Variants in AGGF1 observed in about 807,000 individuals in gnomAD.
AGGF1 encodes angiogenic factor with G-patch and FHA domains 1.
A neutral mutation model predicts 86.5 loss-of-function variants in AGGF1; 56 were observed. That is an observed-to-expected ratio of 0.65 (90% CI 0.52 to 0.81). AGGF1 has a LOEUF of 0.81. Among genes scored for constraint, AGGF1 ranks in the 30% least tolerant of loss-of-function variants. The pLI, the probability that AGGF1 is intolerant of heterozygous loss-of-function variation, is 0.00. For missense variants in AGGF1, 816 were observed against 850.9 expected, an observed-to-expected ratio of 0.96 and a Z score of 0.51; for synonymous variants, 313 against 297.1, an observed-to-expected ratio of 1.05 and a Z score of -0.55.
intron 11 of AGGF1, 114 bp downstream of exon 11, chr5:77,055,710 C>T (rs1478237856): frequency 1.1e-5 from 8 of 732,494 alleles, no homozygotes; most frequent in South Asian, 5.7e-5. Flanking sequence ...AGTATGATTT[C>T]GTGATTTGTA....
At chr5:77,040,218 C>A (rs1189285782) in intron 5 of AGGF1, among the ~76,000 whole-genome samples, 1 of 151,746 alleles carries the variant, frequency 6.6e-6, no homozygotes. Flanking sequence ...AAGTGATTCT[C>A]CTGCCTCAGC....
Position 77,063,391 on chromosome 5 carries a change from T to C in AGGF1, c.*139T>C. 1 of 982,318 alleles carries C rather than the reference T, an allele frequency of 1.0e-6. No individual in the cohort carries two copies. Among genetic ancestry groups the C allele is most frequent in the Non-Finnish European group, 1.5e-6 (1 of 663,582 alleles). The allele number at this position is 982,318 out of a possible 1,614,324, so 60.9% of individuals were successfully genotyped here. A position where few individuals can be genotyped will look rare whatever the true frequency, so the allele number is the denominator to read the frequency against. The stretch of plus-strand genomic sequence containing the variant: ...TCCTGATTCAGAAATGTGTATGGTT[T>C]GCAGCTTTTAAAAACCATTTTTTTA... On this transcript the variant is annotated 3_prime_UTR_variant, in exon 14 of 14. Coordinates refer to ENST00000312916, the MANE Select transcript of AGGF1 (RefSeq NM_018046.5).
rs760332776 is a variant in AGGF1, at chr5:77,035,522, CTTCA to C, written c.314-16_314-13del. ...ATTATTCTAATATGATACGATTTCA[CTTCA>C]TTTTTTTGCTACAGATTATTTTTAT... On this transcript the variant is annotated splice_polypyrimidine_tract_variant and intron_variant, in intron 2 of 13. Transcript: ENST00000312916. 6.3e-7 allele frequency: 1 copy of C among 1,583,426 alleles called. No individual in the cohort carries two copies. The highest frequency in any genetic ancestry group is 8.7e-7 in the Non-Finnish European group (1 of 1,155,142).
In AGGF1 at chr5:77,032,947, C is replaced by T. The variant is rs139951260; in HGVS notation, c.211-1471C>T. Among the ~76,000 whole-genome samples the T allele has an allele frequency of 9.9e-3, 1,504 of 152,162 alleles. 10 individuals carry two copies. Among genetic ancestry groups the T allele is most frequent in the South Asian group, 0.031 (149 of 4,820 alleles). ...GGATTTAGTTATTAAATGTTAATGC[C>T]TCTTATAAGCTTTAATACACTTTAA... is the stretch of plus-strand genomic sequence containing the variant. On this transcript the variant is annotated intron_variant, in intron 1 of 13. Coordinates refer to ENST00000312916, the MANE Select transcript of AGGF1 (RefSeq NM_018046.5).
In AGGF1 at chr5:77,034,581, G is replaced by A. The variant is rs192404489; in HGVS notation, c.313+61G>A. The A allele has an allele frequency of 1.0e-4, 118 of 1,158,662 alleles. 1 individual carries two copies. Among genetic ancestry groups the A allele is most frequent in the African/African-American group, 2.7e-4 (18 of 66,268 alleles). 71.8% of individuals were successfully genotyped at this position (1,158,662 alleles called of 1,614,324 possible). Reference sequence around the variant, plus strand: ...TACATTCAAATCATGCTAATGTTGCGTTTTCTTTTAATTTAAAATAAACAA... The same window carrying A: ...TACATTCAAATCATGCTAATGTTGCATTTTCTTTTAATTTAAAATAAACAA... On this transcript the variant is annotated intron_variant, in intron 2 of 13. Transcript: ENST00000312916.
intron 8 of AGGF1, among the ~76,000 whole-genome samples, chr5:77,049,548 CTT>C (rs759329284): frequency 5.4e-4 from 71 of 130,602 alleles, no homozygotes; most frequent in East Asian, 6.6e-4. Context: ...TATATTTTTA[CTT>C]TTTTTTTTTT....
At chr5:77,054,199 A>G (rs1747423451) in intron 10 of AGGF1, 69 bp downstream of exon 10, 3 of 1,577,146 alleles carry the variant, frequency 1.9e-6, no homozygotes, top group Non-Finnish European at 2.6e-6. Context: ...TCTAAAAAAC[A>G]TCAGTCAGCT....
chr5:77,064,089 A>G lies in AGGF1; in HGVS notation c.*837A>G, dbSNP rs527665895. On this transcript the variant is annotated 3_prime_UTR_variant, in exon 14 of 14. Coordinates refer to ENST00000312916, the MANE Select transcript of AGGF1 (RefSeq NM_018046.5). Reference sequence around the variant, plus strand: ...TCAATTGCAATAAAAACATTATAACATGAAAAAGAGTGATTTTTTGAACCG... The same window carrying G: ...TCAATTGCAATAAAAACATTATAACGTGAAAAAGAGTGATTTTTTGAACCG... 6.5e-6 allele frequency: 1 copy of G among 152,792 alleles called. No individual in the cohort carries two copies. Among genetic ancestry groups the G allele is most frequent in the East Asian group, 1.9e-4 (1 of 5,192 alleles). The allele number at this position is 152,792 out of a possible 1,614,324, so 9.5% of individuals were successfully genotyped here.
At chr5:77,045,263 C>T (rs1406831329) in intron 5 of AGGF1, among the ~76,000 whole-genome samples, 2 of 152,274 alleles carry the variant, frequency 1.3e-5, no homozygotes, top group South Asian at 2.1e-4. Flanking sequence ...TTGTATAACA[C>T]GGTGACTATT....
chr5:77,054,059 A>C lies in AGGF1; in HGVS notation c.1562A>C (p.Asp521Ala). 6.2e-7 allele frequency: 1 copy of C among 1,614,184 alleles called. No individual in the cohort carries two copies. The highest frequency in any genetic ancestry group is 8.5e-7 in the Non-Finnish European group (1 of 1,180,016). ...TCCTTTCACATTCATCCTGGCAGTG[A>C]TACCTGTGATGGCTGTGAACCAGGG... ...VLSFHIHPGSDTCDGCEPGQV... is the reference protein window; with the variant it reads ...VLSFHIHPGSATCDGCEPGQV... The change falls in exon 10 of 14, where the codon GAT becomes GCT. Residue 521 changes from aspartate (D) to alanine (A), a missense_variant. Around this residue, in one of 3 missense-constraint regions of AGGF1, gnomAD observed 565 missense variants for 585.8 expected, o/e 0.96. Coordinates refer to ENST00000312916, the MANE Select transcript of AGGF1 (RefSeq NM_018046.5).
chr5:77,062,675 T>C (rs986949931), intron 13 of AGGF1, among the ~76,000 whole-genome samples: 3 of 152,184 alleles, frequency 2.0e-5, no homozygotes, highest in Non-Finnish European at 4.4e-5. Context: ...GTTATTAATG[T>C]TTAACCTGCT....
At chr5:77,049,097 G>A in intron 8 of AGGF1, 110 bp downstream of exon 8, 1 of 980,640 alleles carries the variant, frequency 1.0e-6, no homozygotes, top group South Asian at 1.4e-5. Context: ...TTAACATGCA[G>A]TGTAGTAATG....
rs767207447 is a variant in AGGF1 at position 77,059,613 on chromosome 5, A to T, written c.1717-3A>T. On this transcript the variant is annotated splice_region_variant and splice_polypyrimidine_tract_variant and intron_variant, in intron 11 of 13. Coordinates refer to ENST00000312916, the MANE Select transcript of AGGF1 (RefSeq NM_018046.5). ...CCTGAATGAATATTTTGTGTTTATTAAGAATACAGAATACGAAGATGAAAA... is the reference window on the plus strand; with the variant it reads ...CCTGAATGAATATTTTGTGTTTATTTAGAATACAGAATACGAAGATGAAAA... 2.1e-5 allele frequency: 34 copies of T among 1,601,060 alleles called. No homozygotes were observed. The Middle Eastern group carries it at 8.0e-4, about 38-fold the overall frequency.
At position 77,030,824 on chromosome 5, in the gene AGGF1, C is replaced by G. The variant is rs760052245; in HGVS notation, c.58C>G (p.Pro20Ala). The G allele has an allele frequency of 6.2e-7, 1 of 1,609,970 alleles. No individual in the cohort carries two copies. The highest frequency in any genetic ancestry group is 8.5e-7 in the Non-Finnish European group (1 of 1,179,512). Reference protein sequence around the residue: ...RSPPPPTSPEPELAQLRRKVE... With the variant: ...RSPPPPTSPEAELAQLRRKVE... ...GCCGCCGCCGCCCACCTCCCCCGAGCCTGAGCTGGCCCAGCTAAGGCGGAA... is the reference window on the plus strand; with the variant it reads ...GCCGCCGCCGCCCACCTCCCCCGAGGCTGAGCTGGCCCAGCTAAGGCGGAA... Residue 20 changes from proline to alanine, a missense_variant, in exon 1 of 14, where the codon CCT becomes GCT. This residue lies in a region of AGGF1 where 240 missense variants were observed against 234.4 expected (regional missense o/e 1.02). Transcript: ENST00000312916.
intron 5 of AGGF1, among the ~76,000 whole-genome samples, chr5:77,043,901 G>T (rs1436023900): frequency 7.0e-6 from 1 of 142,982 alleles, no homozygotes; most frequent in African/African-American, 2.6e-5. Flanking sequence ...CCTCCCAGAC[G>T]GGGTCTCGGC....
intron 6 of AGGF1, among the ~76,000 whole-genome samples, chr5:77,047,184 C>A (rs188143881): frequency 4.6e-3 from 694 of 152,072 alleles, no homozygotes; most frequent in Non-Finnish European, 7.5e-3. Context: ...ATTCAAGCAA[C>A]CTCAGATCAA....
chr5:77,037,784 A>C (rs1429082898), intron 4 of AGGF1, among the ~76,000 whole-genome samples: 1 of 152,346 alleles, frequency 6.6e-6, no homozygotes, highest in South Asian at 2.1e-4. Flanking sequence ...TCAAAAAACA[A>C]GCAAACAAAA....
chr5:77,048,665 A>T (rs1406905686), intron 7 of AGGF1, among the ~76,000 whole-genome samples: 4 of 152,202 alleles, frequency 2.6e-5, no homozygotes, highest in African/African-American at 9.6e-5. Flanking sequence ...GTTAAGCATT[A>T]TTCTATGTGC....
At chr5:77,048,863 T>C (rs1170475998) in intron 7 of AGGF1, 73 bp from the exon 8 acceptor site, 1 of 1,417,664 alleles carries the variant, frequency 7.1e-7, no homozygotes, top group Non-Finnish European at 9.9e-7. Context: ...TATCTGTTTT[T>C]TAAAATTCTT....
Sources: gnomAD v4.1 joint callset for allele counts (sites outside exome capture counted in the v4.1 genomes callset) on GRCh38, gnomAD v4.1.1 for gene constraint, gnomAD v4.1.1 regional missense constraint, MANE v1.5 for transcripts, NCBI Gene and HGNC (gene_info 2026-07-23, HGNC 2026-07-21) for gene names.